ULK4: variants seen among roughly 807,000 people sequenced by gnomAD.
ULK4 encodes unc-51 like kinase 4.
ULK4 carries 133 observed loss-of-function variants against 160.6 expected under a neutral mutation model. The ratio of observed to expected loss-of-function variants is 0.83; its 90% CI spans 0.72 to 0.96. The LOEUF is 0.96. Among genes scored for constraint, ULK4 ranks in the 40% least tolerant of loss-of-function variants. ULK4 has a pLI of 0.00. For missense variants in ULK4, 1,580 were observed against 1,499.5 expected (o/e 1.05, Z -0.89); for synonymous variants, 534 against 539.8 (o/e 0.99, Z 0.15).
chr3:41,770,991 C>T (rs2039337979), intron 21 of ULK4, among the ~76,000 whole-genome samples: 1 of 152,118 alleles, frequency 6.6e-6, no homozygotes, highest in Non-Finnish European at 1.5e-5. Context: ...CCACGAAGAC[C>T]TGTAGATTGA....
chr3:41,605,875 A>C (rs1439039931), intron 31 of ULK4, among the ~76,000 whole-genome samples: 1 of 152,070 alleles, frequency 6.6e-6, no homozygotes, highest in African/African-American at 2.4e-5. Flanking sequence ...GTCTGAAGAA[A>C]TTGTATAAGA....
At chr3:41,701,785 C>A (rs1387981833) in intron 27 of ULK4, among the ~76,000 whole-genome samples, 1 of 151,974 alleles carries the variant, frequency 6.6e-6, no homozygotes, top group Non-Finnish European at 1.5e-5. Context: ...CATGAGGGGA[C>A]TAAGTGGAGT....
intron 35 of ULK4, among the ~76,000 whole-genome samples, chr3:41,372,647 A>G (rs2081393189): frequency 6.6e-6 from 1 of 152,230 alleles, no homozygotes; most frequent in African/African-American, 2.4e-5. Flanking sequence ...GAAGCACTAA[A>G]TATGGAAAGG....
chr3:41,803,629 TC>T (rs2040539196), intron 19 of ULK4, among the ~76,000 whole-genome samples: 1 of 152,102 alleles, frequency 6.6e-6, no homozygotes. Flanking sequence ...ATGCTATCCC[TC>T]CCCACTCCCC....
intron 32 of ULK4, among the ~76,000 whole-genome samples, chr3:41,537,809 G>T (rs1198614570): frequency 6.6e-6 from 1 of 152,082 alleles, no homozygotes; most frequent in Non-Finnish European, 1.5e-5. Flanking sequence ...AATAAGGCAA[G>T]TCCTGATCAT....
At chr3:41,749,197 T>C (rs1279746543) in intron 22 of ULK4, among the ~76,000 whole-genome samples, 1 of 152,186 alleles carries the variant, frequency 6.6e-6, no homozygotes, top group Non-Finnish European at 1.5e-5. Context: ...AAACAGGCTT[T>C]GTGGGCAGGG....
At chr3:41,566,388 C>G (rs551312654) in intron 31 of ULK4, among the ~76,000 whole-genome samples, 5 of 152,206 alleles carry the variant, frequency 3.3e-5, no homozygotes, top group Admixed American at 6.5e-5. Flanking sequence ...AGAGATAACA[C>G]ATGGTCCTCC....
chr3:41,450,819 A>T lies in ULK4; in HGVS notation c.3492+4678T>A, dbSNP rs547394885. Among the ~76,000 whole-genome samples the T allele has an allele frequency of 2.0e-5, 3 of 152,372 alleles. No homozygotes were observed. The South Asian group carries it at 6.2e-4, about 32-fold the overall frequency. ...TGTGTGTTAATCTTTTCCAGAGAAG[A>T]CATATGGCAGTGTTCTTGTCACAGG... On this transcript the variant is annotated intron_variant, in intron 34 of 36. Transcript: ENST00000301831.
intron 8 of ULK4, 111 bp from the exon 9 acceptor site, chr3:41,913,010 T>TG: frequency 2.5e-6 from 2 of 802,372 alleles, no homozygotes; most frequent in Non-Finnish European, 3.9e-6. Context: ...ACATGTACCT[T>TG]TGAAATCATT....
intron 34 of ULK4, among the ~76,000 whole-genome samples, chr3:41,405,001 G>C (rs965841136): frequency 6.6e-6 from 1 of 152,060 alleles, no homozygotes; most frequent in African/African-American, 2.4e-5. Context: ...TTAGATTCAG[G>C]GGTTATATTT....
At chr3:41,454,019 G>C (rs1283358156) in intron 34 of ULK4, among the ~76,000 whole-genome samples, 1 of 103,180 alleles carries the variant, frequency 9.7e-6, no homozygotes, top group Non-Finnish European at 1.8e-5. Flanking sequence ...ACACACTGGG[G>C]CCTGTCATGG....
At chr3:41,540,416 T>C (rs1008067807) in intron 32 of ULK4, among the ~76,000 whole-genome samples, 1 of 152,212 alleles carries the variant, frequency 6.6e-6, no homozygotes, top group African/African-American at 2.4e-5. Context: ...ATGTGCCACA[T>C]TTTCTTTATC....
At chr3:41,507,146 A>AT (rs2085422899) in intron 32 of ULK4, among the ~76,000 whole-genome samples, 1 of 148,572 alleles carries the variant, frequency 6.7e-6, no homozygotes, top group Middle Eastern at 3.2e-3. Context: ...AAAAAAAAAA[A>AT]TAGAATTATA....
At chr3:41,496,653 C>G (rs1393100890) in intron 32 of ULK4, among the ~76,000 whole-genome samples, 1 of 152,092 alleles carries the variant, frequency 6.6e-6, no homozygotes, top group Non-Finnish European at 1.5e-5. Flanking sequence ...TAGTCTTTGG[C>G]TTTAAGATGA....
chr3:41,662,571 C>A (rs185055803), intron 30 of ULK4, among the ~76,000 whole-genome samples: 133 of 152,198 alleles, frequency 8.7e-4, no homozygotes, highest in Non-Finnish European at 1.2e-3. Flanking sequence ...TAATGCAATA[C>A]TTTCTGTGAC....
At chr3:41,849,491 A>T (rs2042155371) in intron 17 of ULK4, among the ~76,000 whole-genome samples, 1 of 152,216 alleles carries the variant, frequency 6.6e-6, no homozygotes, top group Admixed American at 6.5e-5. Context: ...GTTAGGGGAA[A>T]GGAAAAATAA....
At chr3:41,280,843 C>T (rs982598435) in intron 35 of ULK4, among the ~76,000 whole-genome samples, 1 of 151,946 alleles carries the variant, frequency 6.6e-6, no homozygotes, top group Non-Finnish European at 1.5e-5. Context: ...ACACAAAAAC[C>T]CTTCAAAAAA....
chr3:41,809,521 G>A (rs562239433), intron 19 of ULK4, among the ~76,000 whole-genome samples: 28 of 152,206 alleles, frequency 1.8e-4, no homozygotes, highest in Admixed American at 8.5e-4. Flanking sequence ...ATTTGTGTGT[G>A]GTGCTATGTT....
intron 32 of ULK4, among the ~76,000 whole-genome samples, chr3:41,480,222 A>T (rs1297507424): frequency 6.6e-6 from 1 of 151,154 alleles, no homozygotes; most frequent in Non-Finnish European, 1.5e-5. Flanking sequence ...AAAAAAAAAA[A>T]AAAAAAAGTA....
Sources: gnomAD v4.1 joint callset for allele counts (sites outside exome capture counted in the v4.1 genomes callset) on GRCh38, gnomAD v4.1.1 for gene constraint, MANE v1.5 for transcripts, NCBI Gene and HGNC (gene_info 2026-07-23, HGNC 2026-07-21) for gene names.